Variants in C18orf63 observed in about 807,000 individuals in gnomAD.
C18orf63 encodes the protein chromosome 18 open reading frame 63, also known as uncharacterized protein C18orf63.
In C18orf63, 50 loss-of-function variants were observed where a neutral mutation model predicts 75.3. The observed-to-expected ratio is 0.66, with a 90% CI of 0.53 to 0.84. C18orf63 has a LOEUF of 0.84. C18orf63 is among the 40% of genes least tolerant of loss of function. The pLI is 0.00. For missense variants in C18orf63, 732 were observed against 800.2 expected, an observed-to-expected ratio of 0.91 and a Z score of 1.03; for synonymous variants, 232 against 267.6, an observed-to-expected ratio of 0.87 and a Z score of 1.30.
In C18orf63 at chr18:74,342,034, T is replaced by G; in HGVS notation, c.614T>G (p.Met205Arg). 1 of 1,482,610 alleles carries G rather than the reference T, an allele frequency of 6.7e-7. No homozygotes were observed. Among genetic ancestry groups the G allele is most frequent in the African/African-American group, 1.4e-5 (1 of 71,824 alleles). 91.8% of individuals were successfully genotyped at this position (1,482,610 alleles called of 1,614,324 possible). ...LSNWCYVLPS[M>R]KMGQIINIFH... Reference sequence around the variant, plus strand: ...TAGCTTCCTCTCATTTTTCATAGTATGAAAATGGGACAAATTATAAATATT... The same window carrying G: ...TAGCTTCCTCTCATTTTTCATAGTAGGAAAATGGGACAAATTATAAATATT... The change falls in exon 9 of 14, where the codon ATG becomes AGG. Residue 205 changes from methionine (M) to arginine (R), a missense_variant and splice_region_variant. Physicochemically the swap from Met to Arg is moderately conservative, Grantham distance 91. Around this residue, in one of 3 missense-constraint regions of C18orf63, gnomAD observed 233 missense variants for 272.7 expected, o/e 0.85. Transcript: ENST00000579455.
intron 11 of C18orf63, among the ~76,000 whole-genome samples, chr18:74,344,053 A>T (rs141659234): frequency 1.1e-4 from 16 of 152,204 alleles, no homozygotes; most frequent in Admixed American, 5.2e-4. Context: ...GGAAGGTAAG[A>T]TGCCTGCCCC....
Position 74,317,895 on chromosome 18 carries a change from C to A in C18orf63, c.30C>A (p.Phe10Leu). MNDSRQQSL[F>L]FITLPDLNKL... is the part of the protein sequence containing the mutation. ...ATGATTCTAGGCAGCAGTCTCTGTT[C>A]TTCATCACACTTCCAGATTTAAACA... Residue 10 changes from phenylalanine to leucine, a missense_variant, in exon 2 of 14, where the codon TTC (phenylalanine) becomes TTA (leucine). Physicochemically the swap from Phe to Leu is conservative, Grantham distance 22. Around this residue, in one of 3 missense-constraint regions of C18orf63, gnomAD observed 233 missense variants for 272.7 expected, o/e 0.85. Coordinates refer to ENST00000579455, the MANE Select transcript of C18orf63 (RefSeq NM_001174123.2). 6.5e-7 allele frequency: 1 copy of A among 1,534,524 alleles called. No individual in the cohort carries two copies. Among genetic ancestry groups the A allele is most frequent in the South Asian group, 1.2e-5 (1 of 83,626 alleles).
chr18:74,345,977 T>G (rs201875532), intron 11 of C18orf63, among the ~76,000 whole-genome samples: 17 of 151,360 alleles, frequency 1.1e-4, no homozygotes, highest in Non-Finnish European at 1.9e-4. Flanking sequence ...CACACACACA[T>G]AGAGACAGAG....
At chr18:74,329,127 G>T in intron 6 of C18orf63, 91 bp downstream of exon 6, 1 of 839,048 alleles carries the variant, frequency 1.2e-6, no homozygotes, top group Non-Finnish European at 1.9e-6. Context: ...AGTGGCTCAC[G>T]CCTGTAATCC....
At chr18:74,349,707 A>G (rs2145131153) in intron 11 of C18orf63, among the ~76,000 whole-genome samples, 1 of 152,154 alleles carries the variant, frequency 6.6e-6, no homozygotes, top group African/African-American at 2.4e-5. Context: ...ATTGTCTTCC[A>G]CAAAACTGGT....
chr18:74,324,785 A>G (rs1308014273), intron 4 of C18orf63, among the ~76,000 whole-genome samples: 1 of 152,182 alleles, frequency 6.6e-6, no homozygotes, highest in African/African-American at 2.4e-5. Context: ...AAAATGTTTA[A>G]GATTTTTCTG....
In C18orf63 at chr18:74,326,994, A is replaced by G. The variant is rs183055192; in HGVS notation, c.271-953A>G. Among the ~76,000 whole-genome samples, 46 of 152,314 alleles carry G rather than the reference A, an allele frequency of 3.0e-4. 1 individual carries two copies. Among genetic ancestry groups the G allele is most frequent in the Middle Eastern group, 3.4e-3 (1 of 294 alleles). ...CACTGACTGAGTAGCAAGGTTAAAC[A>G]TTAAAAGCTAATTGAGCCCATGCCC... On this transcript the variant is annotated intron_variant, in intron 4 of 13. Transcript: ENST00000579455.
chr18:74,316,455 C>T (rs2145111349), intron 1 of C18orf63, among the ~76,000 whole-genome samples: 1 of 152,306 alleles, frequency 6.6e-6, no homozygotes, highest in African/African-American at 2.4e-5. Context: ...GAACCCCGCG[C>T]CCCGGGAGGA....
intron 4 of C18orf63, among the ~76,000 whole-genome samples, chr18:74,327,303 C>T (rs140797196): frequency 0.12 from 18,485 of 152,000 alleles, 1,486 homozygotes; most frequent in Admixed American, 0.18. Context: ...TGAGGCTCCA[C>T]AGGAAGGTCT....
chr18:74,322,803 A>C, intron 4 of C18orf63, 49 bp downstream of exon 4: 1 of 650,498 alleles, frequency 1.5e-6, no homozygotes, highest in Non-Finnish European at 2.4e-6. Flanking sequence ...TATAGGGATT[A>C]TACGTTCCAC....
At position 74,343,539 on chromosome 18, in the gene C18orf63, G is replaced by A; in HGVS notation, c.815G>A (p.Arg272Lys). 1 of 1,531,128 alleles carries A rather than the reference G, an allele frequency of 6.5e-7. No homozygotes were observed. The highest frequency in any genetic ancestry group is 8.7e-7 in the Non-Finnish European group (1 of 1,144,530). The allele number at this position is 1,531,128 out of a possible 1,614,324, so 94.8% of individuals were successfully genotyped here. A position where few individuals can be genotyped will look rare whatever the true frequency, so the allele number is the denominator to read the frequency against. ...TTCAGATATCCTCTCAGTTGCATCAGAAGTCAGCCCATGCAGTTCTTTCCA... is the reference window on the plus strand; with the variant it reads ...TTCAGATATCCTCTCAGTTGCATCAAAAGTCAGCCCATGCAGTTCTTTCCA... ...RTFTYPLSCI[R>K]SQPMQFFPRV... The change falls in exon 11 of 14, where the codon AGA becomes AAA. Residue 272 changes from arginine to lysine, a missense_variant. Transcript: ENST00000579455.
At chr18:74,330,990 TTTTATA>T in intron 7 of C18orf63, 48 bp downstream of exon 7, 1 of 733,928 alleles carries the variant, frequency 1.4e-6, no homozygotes. Flanking sequence ...ACTATATACT[TTTTATA>T]TTTATTATTG....
At chr18:74,333,321 G>C (rs1003720562) in intron 7 of C18orf63, among the ~76,000 whole-genome samples, 1 of 152,150 alleles carries the variant, frequency 6.6e-6, no homozygotes, top group Non-Finnish European at 1.5e-5. Context: ...AAGAGGAAGG[G>C]GAGGAGGTGA....
In C18orf63 at chr18:74,353,502, T is replaced by C; in HGVS notation, c.1235T>C (p.Met412Thr). Residue 412 changes from methionine to threonine, a missense_variant, in exon 12 of 14, where the codon ATG (methionine) becomes ACG (threonine). Coordinates refer to ENST00000579455, the MANE Select transcript of C18orf63 (RefSeq NM_001174123.2). The stretch of plus-strand genomic sequence containing the variant: ...CCACAAGTACATTCAGAAGTATTAA[T>C]GCCCAACAGAGGAAATACTCAAGTT... ...RAPQVHSEVL[M>T]PNRGNTQVQH... 2 of 1,536,604 alleles carry C rather than the reference T, an allele frequency of 1.3e-6. No individual in the cohort carries two copies. The highest frequency in any genetic ancestry group is 1.2e-5 in the South Asian group (1 of 84,062).
At chr18:74,355,388 AT>A (rs935487559) in intron 13 of C18orf63, among the ~76,000 whole-genome samples, 2 of 152,212 alleles carry the variant, frequency 1.3e-5, no homozygotes, top group African/African-American at 2.4e-5. Context: ...TGTTACTTGC[AT>A]TTTTAGAAAT....
intron 3 of C18orf63, among the ~76,000 whole-genome samples, chr18:74,321,866 G>A (rs1984129251): frequency 6.6e-6 from 1 of 151,814 alleles, no homozygotes; most frequent in African/African-American, 2.4e-5. Context: ...GTAGAAAATG[G>A]GATTACATAC....
rs1227557397 is a variant in C18orf63 at position 74,358,900 on chromosome 18, T to C, written c.*2453T>C. On this transcript the variant is annotated 3_prime_UTR_variant, in exon 14 of 14. Transcript: ENST00000579455. ...CATAATTACACATTTTTATTTGCAT[T>C]TGTTGCTTATTGTAGTAAAAAGGTA... 2 of 143,424 alleles carry C rather than the reference T, an allele frequency of 1.4e-5. No individual in the cohort carries two copies. Among genetic ancestry groups the C allele is most frequent in the African/African-American group, 2.5e-5 (1 of 39,568 alleles). The allele number at this position is 143,424 out of a possible 1,614,324, so 8.9% of individuals were successfully genotyped here. A position where few individuals can be genotyped will look rare whatever the true frequency, so the allele number is the denominator to read the frequency against.
Position 74,353,272 on chromosome 18 carries a change from G to C in C18orf63, c.1005G>C (p.Leu335Phe). 6.5e-7 allele frequency: 1 copy of C among 1,535,126 alleles called. No homozygotes were observed. Among genetic ancestry groups the C allele is most frequent in the South Asian group, 1.2e-5 (1 of 83,838 alleles). The stretch of plus-strand genomic sequence containing the variant: ...AACACAAAGTCAAGCCACCCAATTT[G>C]ACCACTAAAAAAATGCTTAGGGCAT... ...IQEHKVKPPN[L>F]TTKKMLRASL... The change falls in exon 12 of 14, where the codon TTG becomes TTC. Residue 335 changes from leucine (L) to phenylalanine (F), a missense_variant. Around this residue, in one of 3 missense-constraint regions of C18orf63, gnomAD observed 495 missense variants for 508.7 expected, o/e 0.97. Coordinates refer to ENST00000579455, the MANE Select transcript of C18orf63 (RefSeq NM_001174123.2).
At chr18:74,347,464 G>A (rs1243176987) in intron 11 of C18orf63, among the ~76,000 whole-genome samples, 5 of 152,112 alleles carry the variant, frequency 3.3e-5, no homozygotes, top group African/African-American at 4.8e-5. Flanking sequence ...TTGGGCCACC[G>A]TGAAACAGGC....
Sources: gnomAD v4.1 joint callset for allele counts (sites outside exome capture counted in the v4.1 genomes callset) on GRCh38, gnomAD v4.1.1 for gene constraint, gnomAD v4.1.1 regional missense constraint, MANE v1.5 for transcripts, NCBI Gene and HGNC (gene_info 2026-07-23, HGNC 2026-07-21) for gene names.